TPM4: variants seen among roughly 807,000 people sequenced by gnomAD.
The protein encoded by TPM4 is tropomyosin alpha-4 chain.
A neutral mutation model predicts 35.8 loss-of-function variants in TPM4; 17 were observed. The ratio of observed to expected loss-of-function variants is 0.47; its 90% confidence interval spans 0.32 to 0.71. The LOEUF (loss-of-function observed/expected upper bound fraction) is 0.71. TPM4 is among the 30% of genes least tolerant of loss of function. The pLI is 0.03. For synonymous variants in TPM4, 120 were observed against 122.9 expected (o/e 0.98, Z 0.15); for missense variants, 240 against 320.9 (o/e 0.75, Z 1.93).
rs751824754 is a variant in TPM4 at position 16,093,794 on chromosome 19, C to T, written c.664+41C>T. The T allele has an allele frequency of 3.1e-6, 5 of 1,607,498 alleles. No homozygotes were observed. In the East Asian group the frequency reaches 6.7e-5, roughly 22 times the overall value. ...CTAAATGTTTGCCTTGCCCTGCCTTCCCCTCTGGGACACATCCACGGACAG... is the reference window on the plus strand; with the variant it reads ...CTAAATGTTTGCCTTGCCCTGCCTTTCCCTCTGGGACACATCCACGGACAG... On this transcript the variant is annotated intron_variant, in intron 7 of 7. Transcript: ENST00000643579.
chr19:16,088,651 G>T (rs2090588930), intron 4 of TPM4: 1 of 1,033,328 alleles, frequency 9.7e-7, no homozygotes, highest in Non-Finnish European at 1.2e-6. Flanking sequence ...TCCACTCCGG[G>T]CTTCCTTCCC....
upstream of TPM4, chr19:16,076,308 G>T: frequency 6.6e-7 from 1 of 1,508,826 alleles, no homozygotes. Context: ...CTCCAAATAA[G>T]TCCCGAAAAG....
chr19:16,093,814 G>C, intron 7 of TPM4, 61 bp downstream of exon 7: 1 of 1,584,400 alleles, frequency 6.3e-7, no homozygotes, highest in Non-Finnish European at 8.7e-7. Flanking sequence ...ACACATCCAC[G>C]GACAGTTGGG....
chr19:16,082,615 T>G (rs900495274), intron 2 of TPM4, among the ~76,000 whole-genome samples: 4 of 152,210 alleles, frequency 2.6e-5, no homozygotes, highest in African/African-American at 9.6e-5. Context: ...CAAGTATGAC[T>G]GTCCATGGTG....
chr19:16,098,862 A>G (rs1333982561), intron 7 of TPM4, among the ~76,000 whole-genome samples: 2 of 152,216 alleles, frequency 1.3e-5, no homozygotes, highest in Non-Finnish European at 2.9e-5. Flanking sequence ...TCCTAGCTCT[A>G]CTACTTTAAC....
At chr19:16,080,667 C>T (rs1235824754) in intron 1 of TPM4, among the ~76,000 whole-genome samples, 2 of 152,108 alleles carry the variant, frequency 1.3e-5, no homozygotes, top group Non-Finnish European at 2.9e-5. Flanking sequence ...AAAAAAATAG[C>T]AAGGCGTGGT....
intron 5 of TPM4, among the ~76,000 whole-genome samples, chr19:16,090,705 A>C (rs1347768416): frequency 6.6e-6 from 1 of 152,008 alleles, no homozygotes; most frequent in African/African-American, 2.4e-5. Flanking sequence ...TACTCCATTA[A>C]TTGCATGCCT....
intron 1 of TPM4, chr19:16,078,189 T>C (rs1716793418): frequency 2.5e-6 from 1 of 398,558 alleles, no homozygotes; most frequent in South Asian, 1.3e-4. Context: ...TATGGGAGCA[T>C]GACAGGGGAG....
At position 16,070,893 on chromosome 19, in the gene TPM4, G is replaced by A. The variant is rs887637544; in HGVS notation, c.114+3155G>A. Reference sequence around the variant, plus strand: ...AACACAGACATTCATCCTGTGCTGGGCCAGCTTCTAGCCATCATTTAGCCC... The same window carrying A: ...AACACAGACATTCATCCTGTGCTGGACCAGCTTCTAGCCATCATTTAGCCC... On this transcript the variant is annotated intron_variant, in intron 2 of 2. Coordinates refer to the TPM4 transcript ENST00000589897. This position sits in a 1 kb window ranked among gnomAD's most constrained non-coding sequence, Gnocchi z 7.4. Among the ~76,000 whole-genome samples the A allele has an allele frequency of 1.3e-5, 2 of 152,220 alleles. No homozygotes were observed. Among genetic ancestry groups the A allele is most frequent in the Admixed American group, 6.5e-5 (1 of 15,288 alleles).
chr19:16,076,691 C>T lies in TPM4; in HGVS notation c.126C>T (p.Arg42=). The T allele has an allele frequency of 7.4e-7, 1 of 1,355,020 alleles. No individual in the cohort carries two copies. The highest frequency in any genetic ancestry group is 1.7e-5 in the South Asian group (1 of 60,308). 83.9% of individuals were successfully genotyped at this position (1,355,020 alleles called of 1,614,324 possible). ...AGCTGGACGGCGAGCGCGAGCGGCG[C>T]GAGAAAGTGAGCGCCCCGGCCTCGG... ...QRELDGERER[R]EKAEGDVAAL... Residue 42 remains arginine, a synonymous_variant, in exon 1 of 8, where the codon CGC becomes CGT. Coordinates refer to ENST00000643579, the MANE Select transcript of TPM4 (RefSeq NM_003290.3).
At chr19:16,082,894 A>G (rs1309455323) in intron 2 of TPM4, among the ~76,000 whole-genome samples, 1 of 146,170 alleles carries the variant, frequency 6.8e-6, no homozygotes, top group Non-Finnish European at 1.5e-5. Flanking sequence ...CAAGAGGCTG[A>G]GGTGGGAGGA....
At chr19:16,080,858 C>CT in intron 1 of TPM4, 1 of 394,486 alleles carries the variant, frequency 2.5e-6, no homozygotes, top group Non-Finnish European at 4.5e-6. Flanking sequence ...CAGCCCAGCA[C>CT]TTTTTGGCCC....
In TPM4 at chr19:16,067,882, C is replaced by A; in HGVS notation, c.114+144C>A. The A allele has an allele frequency of 2.8e-6, 2 of 718,526 alleles. No homozygotes were observed. The highest frequency in any genetic ancestry group is 2.0e-5 in the South Asian group (1 of 51,000). The allele number at this position is 718,526 out of a possible 1,614,324, so 44.5% of individuals were successfully genotyped here. A position where few individuals can be genotyped will look rare whatever the true frequency, so the allele number is the denominator to read the frequency against. On this transcript the variant is annotated intron_variant, in intron 2 of 2. Coordinates refer to the TPM4 transcript ENST00000589897. The surrounding 1 kb of genome is among the most constrained non-coding windows in gnomAD (Gnocchi z 4.1). ...TTTGGCGGAGGAAGAGCGAGGGGAC[C>A]ATTGCCTTCCTTGGATGGGGTCCTG... is the stretch of plus-strand genomic sequence containing the variant.
rs761296881 is a variant in TPM4, at chr19:16,086,550, G to C, written c.384+10G>C. The C allele has an allele frequency of 6.2e-7, 1 of 1,606,320 alleles. No individual in the cohort carries two copies. Among genetic ancestry groups the C allele is most frequent in the Non-Finnish European group, 8.5e-7 (1 of 1,174,724 alleles). ...CCGCAAATACGAGGAGGTGAGTGGG[G>C]CTGGCAGATGGCGCAGCAGCAGGAA... On this transcript the variant is annotated intron_variant, in intron 3 of 7. Coordinates refer to ENST00000643579, the MANE Select transcript of TPM4 (RefSeq NM_003290.3).
In TPM4 at chr19:16,083,262, G is replaced by A. The variant is rs571668862; in HGVS notation, c.266+1216G>A. Among the ~76,000 whole-genome samples, 11 of 152,276 alleles carry A rather than the reference G, an allele frequency of 7.2e-5. No homozygotes were observed. The South Asian group carries it at 2.1e-3, about 29-fold the overall frequency. ...TGTTTGAGACCAGACTGGCCAACAT[G>A]GTGAAACCCCGTCTCTATTAAAAAT... On this transcript the variant is annotated intron_variant, in intron 2 of 7. Coordinates refer to ENST00000643579, the MANE Select transcript of TPM4 (RefSeq NM_003290.3).
intron 7 of TPM4, among the ~76,000 whole-genome samples, chr19:16,098,919 G>A (rs926830727): frequency 2.6e-5 from 4 of 152,116 alleles, no homozygotes; most frequent in African/African-American, 9.7e-5. Flanking sequence ...AAATAAAGGT[G>A]ATATCTCTGT....
chr19:16,096,527 G>T (rs2090699474), intron 7 of TPM4, among the ~76,000 whole-genome samples: 1 of 152,338 alleles, frequency 6.6e-6, no homozygotes, highest in East Asian at 1.9e-4. Flanking sequence ...TCAAACAGCG[G>T]CAGTGACATT....
rs10412497 is a variant in TPM4, at chr19:16,095,207, C to T, written c.664+1454C>T. 6.9e-3 allele frequency: 6,933 copies of T among 1,008,822 alleles called. 173 individuals carry two copies. In the African/African-American group the frequency reaches 0.081, roughly 12 times the overall value. The allele number at this position is 1,008,822 out of a possible 1,614,324, so 62.5% of individuals were successfully genotyped here. A position where few individuals can be genotyped will look rare whatever the true frequency, so the allele number is the denominator to read the frequency against. ...TCATCTGTGGCACTCCATTCCGACC[C>T]TTGCCTTCTGTCCCCTGTACTTCTG... On this transcript the variant is annotated intron_variant, in intron 7 of 7. Coordinates refer to ENST00000643579, the MANE Select transcript of TPM4 (RefSeq NM_003290.3).
At position 16,076,700 on chromosome 19, in the gene TPM4, G is replaced by A; in HGVS notation, c.132+3G>A. The A allele has an allele frequency of 7.4e-7, 1 of 1,342,490 alleles. No homozygotes were observed. Among genetic ancestry groups the A allele is most frequent in the Non-Finnish European group, 9.5e-7 (1 of 1,047,790 alleles). The allele number at this position is 1,342,490 out of a possible 1,614,324, so 83.2% of individuals were successfully genotyped here. A position where few individuals can be genotyped will look rare whatever the true frequency, so the allele number is the denominator to read the frequency against. Reference sequence around the variant, plus strand: ...GCGAGCGCGAGCGGCGCGAGAAAGTGAGCGCCCCGGCCTCGGGCCCCGCAC... The same window carrying A: ...GCGAGCGCGAGCGGCGCGAGAAAGTAAGCGCCCCGGCCTCGGGCCCCGCAC... On this transcript the variant is annotated splice_donor_region_variant and intron_variant, in intron 1 of 7. Transcript: ENST00000643579.
Sources: allele counts gnomAD v4.1 joint callset (sites outside exome capture counted in the v4.1 genomes callset), GRCh38; gene constraint gnomAD v4.1.1; non-coding constraint Gnocchi (gnomAD v3.1); transcripts MANE v1.5; gene names NCBI Gene and HGNC (gene_info 2026-07-23, HGNC 2026-07-21).